Variants in POU6F2 observed in about 807,000 individuals in gnomAD.
POU6F2 encodes POU class 6 homeobox 2, also known as POU domain, class 6, transcription factor 2.
Under a neutral mutation model 71.3 loss-of-function variants are expected in POU6F2, and 31 were observed. The observed-to-expected ratio is 0.43, with a 90% CI of 0.33 to 0.59. POU6F2 has a LOEUF of 0.59. POU6F2 is among the 20% of genes least tolerant of loss of function. The pLI is 0.04. For missense variants in POU6F2, 783 were observed against 856.8 expected (o/e 0.91, Z 1.07); for synonymous variants, 347 against 355.7 (o/e 0.98, Z 0.27).
intron 4 of POU6F2, among the ~76,000 whole-genome samples, chr7:39,314,035 G>C (rs1785215698): frequency 6.6e-6 from 1 of 152,186 alleles, no homozygotes; most frequent in South Asian, 2.1e-4. Flanking sequence ...GCACACATGA[G>C]ATTCTGTGAT....
At chr7:39,417,300 A>G (rs753895851) in intron 6 of POU6F2, among the ~76,000 whole-genome samples, 4 of 152,204 alleles carry the variant, frequency 2.6e-5, no homozygotes, top group Non-Finnish European at 4.4e-5. Flanking sequence ...ACTCTTAAAG[A>G]TGTCATCAAC....
chr7:39,100,475 C>T (rs1791546712), intron 2 of POU6F2, among the ~76,000 whole-genome samples: 1 of 152,194 alleles, frequency 6.6e-6, no homozygotes, highest in Non-Finnish European at 1.5e-5. Flanking sequence ...GTTGCCATGG[C>T]AACCCCACAC....
At chr7:39,302,457 T>C (rs959630397) in intron 4 of POU6F2, among the ~76,000 whole-genome samples, 6 of 152,212 alleles carry the variant, frequency 3.9e-5, no homozygotes, top group African/African-American at 1.4e-4. Context: ...ATACTCCACA[T>C]TGGTATCACT....
chr7:39,250,535 CACTAATAGTTCTTT>C (rs1783895836), intron 4 of POU6F2, among the ~76,000 whole-genome samples: 1 of 152,140 alleles, frequency 6.6e-6, no homozygotes, highest in Non-Finnish European at 1.5e-5. Context: ...TCTCCTTATT[CACTAATAGTTCTTT>C]ATCTCATCTC....
chr7:39,381,012 G>T (rs1165191373), intron 5 of POU6F2, among the ~76,000 whole-genome samples: 8 of 152,272 alleles, frequency 5.3e-5, no homozygotes, highest in Admixed American at 5.2e-4. Flanking sequence ...AGCATGGAGT[G>T]ACAGGAAAAT....
At chr7:39,315,436 A>C (rs569978567) in intron 4 of POU6F2, among the ~76,000 whole-genome samples, 1 of 152,216 alleles carries the variant, frequency 6.6e-6, no homozygotes, top group Non-Finnish European at 1.5e-5. Context: ...TAGGTACTCA[A>C]TGAATGATCC....
At chr7:39,003,658 A>T (rs1355605741) in intron 1 of POU6F2, among the ~76,000 whole-genome samples, 1 of 151,574 alleles carries the variant, frequency 6.6e-6, no homozygotes, top group Non-Finnish European at 1.5e-5. Context: ...CTGAGGCAGG[A>T]GAATGGTGTG....
intron 4 of POU6F2, among the ~76,000 whole-genome samples, chr7:39,301,949 G>GA (rs796966013): frequency 3.3e-4 from 48 of 143,882 alleles, no homozygotes; most frequent in Admixed American, 9.1e-4. Flanking sequence ...TTTCTCAGGG[G>GA]AAAAAAAAAA....
intron 6 of POU6F2, among the ~76,000 whole-genome samples, chr7:39,415,777 G>C (rs938329695): frequency 1.3e-5 from 2 of 152,154 alleles, no homozygotes; most frequent in Non-Finnish European, 2.9e-5. Flanking sequence ...CCTGGGGCTG[G>C]TATAATCTAT....
intron 2 of POU6F2, among the ~76,000 whole-genome samples, chr7:39,171,016 C>CTTTTTTTTTT (rs760022218): frequency 5.3e-5 from 5 of 94,588 alleles, no homozygotes; most frequent in South Asian, 4.0e-4. Flanking sequence ...TCACATATAT[C>CTTTTTTTTTT]TTTTTTTTTT....
chr7:39,378,060 G>A (rs965247008), intron 5 of POU6F2, among the ~76,000 whole-genome samples: 8 of 152,126 alleles, frequency 5.3e-5, no homozygotes, highest in Non-Finnish European at 8.8e-5. Flanking sequence ...TTGGTCCAAT[G>A]ATATAAGTGG....
intron 1 of POU6F2, among the ~76,000 whole-genome samples, chr7:39,067,261 C>T (rs1369507346): frequency 6.7e-6 from 1 of 150,258 alleles, no homozygotes; most frequent in African/African-American, 2.4e-5. Flanking sequence ...GTGAGATTTG[C>T]ATTTAATGCC....
chr7:39,097,255 A>G (rs907332984), intron 2 of POU6F2, among the ~76,000 whole-genome samples: 1 of 152,184 alleles, frequency 6.6e-6, no homozygotes, highest in Non-Finnish European at 1.5e-5. Flanking sequence ...GCTCTCTGAC[A>G]GTCACAAAGC....
chr7:39,017,813 CGT>C (rs70977447), intron 1 of POU6F2, among the ~76,000 whole-genome samples: 1,810 of 148,010 alleles, frequency 0.012, 33 homozygotes, highest in African/African-American at 0.038. Flanking sequence ...ATTGTGCATG[CGT>C]GTGTGTGTGT....
At chr7:39,432,239 C>T (rs1055381556) in intron 6 of POU6F2, among the ~76,000 whole-genome samples, 8 of 152,106 alleles carry the variant, frequency 5.3e-5, no homozygotes, top group African/African-American at 1.9e-4. Flanking sequence ...AGCCAGAAGC[C>T]ACTGGATGCA....
intron 6 of POU6F2, among the ~76,000 whole-genome samples, chr7:39,427,111 A>G (rs1787990146): frequency 6.6e-6 from 1 of 152,268 alleles, no homozygotes; most frequent in Non-Finnish European, 1.5e-5. Flanking sequence ...GAGTTACCAC[A>G]CAAGCATGTA....
At chr7:39,118,803 G>A (rs1159853845) in intron 2 of POU6F2, among the ~76,000 whole-genome samples, 2 of 152,050 alleles carry the variant, frequency 1.3e-5, no homozygotes, top group Non-Finnish European at 2.9e-5. Flanking sequence ...CACACACAAC[G>A]AACATAAAAA....
At chr7:39,084,601 G>A (rs963029405) in intron 1 of POU6F2, among the ~76,000 whole-genome samples, 1 of 152,182 alleles carries the variant, frequency 6.6e-6, no homozygotes, top group African/African-American at 2.4e-5. Flanking sequence ...TCAATGGTAT[G>A]AGTATTGACT....
At position 39,389,027 on chromosome 7, in the gene POU6F2, TTAC is replaced by T. The variant is rs375130030; in HGVS notation, c.973-17571_973-17569del. Among the ~76,000 whole-genome samples the T allele has an allele frequency of 4.3e-3, 659 of 152,304 alleles. 5 individuals are homozygous for T. Among genetic ancestry groups the T allele is most frequent in the African/African-American group, 0.015 (620 of 41,568 alleles). On this transcript the variant is annotated intron_variant, in intron 5 of 9. Coordinates refer to ENST00000518318, the MANE Select transcript of POU6F2 (RefSeq NM_001370959.1). ...TATTTTGATATCTGTACACTTCAGT[TTAC>T]TGGCTCCTCCTCAAGAAGATGTTTG...
Sources: gnomAD v4.1 joint callset for allele counts (sites outside exome capture counted in the v4.1 genomes callset) on GRCh38, gnomAD v4.1.1 for gene constraint, MANE v1.5 for transcripts, NCBI Gene and HGNC (gene_info 2026-07-23, HGNC 2026-07-21) for gene names.